Variants in COL25A1 observed in about 807,000 individuals in gnomAD.
The protein encoded by COL25A1 is collagen type XXV alpha 1 chain, also known as collagen alpha-1(XXV) chain.
Under a neutral mutation model 128.4 loss-of-function variants are expected in COL25A1, and 103 were observed. The observed-to-expected ratio is 0.80, with a 90% CI of 0.68 to 0.94. The LOEUF (loss-of-function observed/expected upper bound fraction) is 0.94, where lower values mean the gene tolerates loss of function less well. Among genes scored for constraint, COL25A1 ranks in the 40% least tolerant of loss-of-function variants. The pLI, the probability that COL25A1 is intolerant of heterozygous loss-of-function variation, is 0.00. For missense variants in COL25A1, 745 were observed against 840.0 expected, an observed-to-expected ratio of 0.89 and a Z score of 1.40; for synonymous variants, 279 against 277.2, an observed-to-expected ratio of 1.01 and a Z score of -0.06.
chr4:109,203,844 A>C (rs947722373), intron 3 of COL25A1, among the ~76,000 whole-genome samples: 1 of 152,098 alleles, frequency 6.6e-6, no homozygotes, highest in Non-Finnish European at 1.5e-5. Context: ...TTGTGGTTCA[A>C]TAAACATCAG....
intron 3 of COL25A1, among the ~76,000 whole-genome samples, chr4:109,292,316 T>C (rs996146393): frequency 1.3e-5 from 2 of 152,132 alleles, no homozygotes; most frequent in Non-Finnish European, 2.9e-5. Flanking sequence ...ATCCCTGTAC[T>C]AATTAATCTC....
intron 8 of COL25A1, among the ~76,000 whole-genome samples, chr4:108,944,885 G>A (rs1748544036): frequency 1.3e-5 from 2 of 152,128 alleles, no homozygotes; most frequent in South Asian, 4.2e-4. Flanking sequence ...CCAATTAGGT[G>A]TTTAGTGCTA....
chr4:108,877,673 A>C (rs978813999), intron 19 of COL25A1, among the ~76,000 whole-genome samples: 14 of 152,230 alleles, frequency 9.2e-5, no homozygotes, highest in African/African-American at 1.7e-4. Context: ...ATAAAAAAAA[A>C]AACAACACAT....
At chr4:108,891,591 C>G (rs1488834886) in intron 16 of COL25A1, among the ~76,000 whole-genome samples, 1 of 152,088 alleles carries the variant, frequency 6.6e-6, no homozygotes. Context: ...TTAAACCTCA[C>G]AAAACTCTCA....
chr4:109,281,270 C>A (rs1435706310), intron 3 of COL25A1, among the ~76,000 whole-genome samples: 2 of 152,044 alleles, frequency 1.3e-5, no homozygotes, highest in African/African-American at 4.8e-5. Flanking sequence ...TCTTGATTAG[C>A]CAGAATGCCA....
chr4:108,874,726 G>T (rs184800712), intron 19 of COL25A1, among the ~76,000 whole-genome samples: 1 of 152,226 alleles, frequency 6.6e-6, no homozygotes, highest in East Asian at 1.9e-4. Flanking sequence ...TTCTGTTAGT[G>T]CATTTTAAAG....
chr4:109,249,718 C>T (rs1780519521), intron 3 of COL25A1, among the ~76,000 whole-genome samples: 1 of 152,152 alleles, frequency 6.6e-6, no homozygotes, highest in Non-Finnish European at 1.5e-5. Context: ...ATTTATAAAA[C>T]ATCAATTATA....
At chr4:109,213,037 C>A (rs1447401927) in intron 3 of COL25A1, among the ~76,000 whole-genome samples, 4 of 152,066 alleles carry the variant, frequency 2.6e-5, no homozygotes, top group African/African-American at 9.7e-5. Flanking sequence ...CTGTTTCTGT[C>A]CAGACATGGG....
intron 6 of COL25A1, among the ~76,000 whole-genome samples, chr4:108,993,096 G>A (rs941614256): frequency 7.2e-5 from 11 of 152,144 alleles, no homozygotes; most frequent in African/African-American, 2.7e-4. Context: ...GTTATTAACT[G>A]TAGTCACCAT....
chr4:109,259,819 C>T (rs1781312947), intron 3 of COL25A1, among the ~76,000 whole-genome samples: 1 of 152,166 alleles, frequency 6.6e-6, no homozygotes, highest in Admixed American at 6.5e-5. Context: ...GGCATCTATA[C>T]CTTCCTCCGG....
Position 109,211,009 on chromosome 4 carries a change from G to A in COL25A1, c.367+89574C>T, listed in dbSNP as rs111614400. ...CACAAAGAAGGGAACCACAGACACC[G>A]GGGCCTACTTGAGAGTGAACGGAGA... On this transcript the variant is annotated intron_variant, in intron 3 of 37. Coordinates refer to ENST00000399132, the MANE Select transcript of COL25A1 (RefSeq NM_198721.4). Among the ~76,000 whole-genome samples, 1,260 of 151,846 alleles carry A rather than the reference G, an allele frequency of 8.3e-3. 21 individuals carry two copies. The highest frequency in any genetic ancestry group is 0.038 in the Middle Eastern group (11 of 292).
rs535762905 is a variant in COL25A1 at position 108,886,492 on chromosome 4, G to GTTTTTTT, written c.976-2271_976-2270insAAAAAAA. On this transcript the variant is annotated intron_variant, in intron 18 of 37. Coordinates refer to ENST00000399132, the MANE Select transcript of COL25A1 (RefSeq NM_198721.4). ...TGTGTGTGTGTGTGTGTGTGTGTGT[G>GTTTTTTT]TTTAGCTCATCAGCTATTTTATGTG... is the stretch of plus-strand genomic sequence containing the variant. Among the ~76,000 whole-genome samples, 14 of 109,272 alleles carry GTTTTTTT rather than the reference G, an allele frequency of 1.3e-4. 2 individuals carry two copies. The highest frequency in any genetic ancestry group is 5.3e-4 in the South Asian group (2 of 3,776). The allele number at this position is 109,272 out of a possible 152,430, so 71.7% of individuals were successfully genotyped here.
intron 3 of COL25A1, among the ~76,000 whole-genome samples, chr4:109,061,368 G>C (rs972628601): frequency 6.6e-6 from 1 of 152,112 alleles, no homozygotes; most frequent in Non-Finnish European, 1.5e-5. Flanking sequence ...TTTTAATAGA[G>C]TTGTTAAGTA....
At chr4:109,124,043 A>G (rs1490280756) in intron 3 of COL25A1, among the ~76,000 whole-genome samples, 2 of 152,160 alleles carry the variant, frequency 1.3e-5, no homozygotes, top group Non-Finnish European at 2.9e-5. Context: ...TCACAAAAAA[A>G]TATTTCACAA....
chr4:109,288,960 TATACACACACACACACAC>T (rs1488941984), intron 3 of COL25A1, among the ~76,000 whole-genome samples: 5 of 98,252 alleles, frequency 5.1e-5, no homozygotes, highest in African/African-American at 2.2e-4. Context: ...CTAAATTATA[TATACACACACACACACAC>T]ACACACACAC....
At chr4:109,244,223 G>A (rs774209321) in intron 3 of COL25A1, among the ~76,000 whole-genome samples, 18 of 150,998 alleles carry the variant, frequency 1.2e-4, no homozygotes, top group South Asian at 2.1e-4. Flanking sequence ...GAGGTAAACC[G>A]AATTCCCTAA....
intron 13 of COL25A1, among the ~76,000 whole-genome samples, chr4:108,906,271 G>C (rs909794868): frequency 6.6e-6 from 1 of 151,956 alleles, no homozygotes; most frequent in Non-Finnish European, 1.5e-5. Flanking sequence ...AGTGTGGAAA[G>C]CAGCCACCTG....
chr4:108,905,512 T>TA (rs1743372202), intron 13 of COL25A1, among the ~76,000 whole-genome samples: 1 of 150,720 alleles, frequency 6.6e-6, no homozygotes, highest in Admixed American at 6.6e-5. Context: ...ACTTAAAGTA[T>TA]AATAATAAAA....
intron 37 of COL25A1, among the ~76,000 whole-genome samples, chr4:108,816,203 C>T (rs1334863107): frequency 6.6e-6 from 1 of 152,092 alleles, no homozygotes; most frequent in Non-Finnish European, 1.5e-5. Context: ...ATAAATGACG[C>T]TACTTAGAGA....
Sources: gnomAD v4.1 joint callset for allele counts (sites outside exome capture counted in the v4.1 genomes callset) on GRCh38, gnomAD v4.1.1 for gene constraint, MANE v1.5 for transcripts, NCBI Gene and HGNC (gene_info 2026-07-23, HGNC 2026-07-21) for gene names.